Variants in UGT1A4 observed in about 807,000 individuals in gnomAD.
UGT1A4 encodes UDP-glucuronosyltransferase 1A4.
In UGT1A4, 32 loss-of-function variants were observed where a neutral mutation model predicts 41.1. The observed-to-expected ratio is 0.78, with a 90% CI of 0.59 to 1.05. The LOEUF (loss-of-function observed/expected upper bound fraction) is 1.05. Ranked by LOEUF, UGT1A4 falls within the 50% of genes least tolerant of loss-of-function variation. The probability of loss-of-function intolerance (pLI) is 0.00; values close to 1 mark genes in which losing one functional copy is unlikely to be tolerated. For synonymous variants in UGT1A4, 283 were observed against 265.1 expected, an observed-to-expected ratio of 1.07 and a Z score of -0.66; for missense variants, 748 against 677.4, an observed-to-expected ratio of 1.10 and a Z score of -1.16.
intron 1 of UGT1A4, among the ~76,000 whole-genome samples, chr2:233,745,353 A>T (rs1446464476): frequency 1.3e-5 from 2 of 151,782 alleles, no homozygotes; most frequent in African/African-American, 2.4e-5. Flanking sequence ...TTTTGGGGGA[A>T]TTTTTTTGAG....
chr2:233,744,112 C>T (rs1010440918), intron 1 of UGT1A4: 4 of 367,842 alleles, frequency 1.1e-5, no homozygotes, highest in African/African-American at 6.4e-5. Context: ...TGGCCCTGCT[C>T]TCTGTGAGGC....
intron 1 of UGT1A4, chr2:233,760,773 G>C (rs780985622): frequency 2.5e-6 from 4 of 1,613,826 alleles, no homozygotes; most frequent in Non-Finnish European, 3.4e-6. Flanking sequence ...TCGTGGCCCA[G>C]TACCTGTCTC....
chr2:233,728,660 C>T (rs557708388), intron 1 of UGT1A4, among the ~76,000 whole-genome samples: 3 of 152,280 alleles, frequency 2.0e-5, no homozygotes, highest in South Asian at 2.1e-4. Context: ...GGATGCGCTG[C>T]GTTACTCATA....
chr2:233,753,830 C>T (rs560874978), intron 1 of UGT1A4, among the ~76,000 whole-genome samples: 4 of 152,332 alleles, frequency 2.6e-5, no homozygotes, highest in Non-Finnish European at 4.4e-5. Flanking sequence ...GGGCTGAAGA[C>T]AGTCCTAGTA....
At chr2:233,746,870 G>A (rs544593514) in intron 1 of UGT1A4, among the ~76,000 whole-genome samples, 2 of 151,670 alleles carry the variant, frequency 1.3e-5, no homozygotes, top group African/African-American at 4.9e-5. Flanking sequence ...CCTGATAAAC[G>A]TGGTTAACAG....
chr2:233,747,873 T>C, intron 1 of UGT1A4: 1 of 1,613,590 alleles, frequency 6.2e-7, no homozygotes, highest in Non-Finnish European at 8.5e-7. Context: ...TCTGGCCCTG[T>C]CCTACCTTTG....
In UGT1A4 at chr2:233,750,906, G is replaced by C. The variant is rs147161885; in HGVS notation, c.868-16128G>C. Among the ~76,000 whole-genome samples, 893 of 152,034 alleles carry C rather than the reference G, an allele frequency of 5.9e-3. 37 individuals carry two copies. Among genetic ancestry groups the C allele is most frequent in the African/African-American group, 0.021 (857 of 41,250 alleles). On this transcript the variant is annotated intron_variant, in intron 1 of 4. Coordinates refer to ENST00000373409, the MANE Select transcript of UGT1A4 (RefSeq NM_007120.3). ...GCCCTTATAGAGAACCTCTGCTAGA[G>C]AAGGGTGGTAAAGAAATGTGAGGTT...
chr2:233,739,300 G>T (rs1406642019), intron 1 of UGT1A4, among the ~76,000 whole-genome samples: 2 of 152,210 alleles, frequency 1.3e-5, no homozygotes, highest in African/African-American at 2.4e-5. Flanking sequence ...CTGGGGCACT[G>T]CCTAGTGGAG....
At chr2:233,749,107 C>T (rs2125896789) in intron 1 of UGT1A4, among the ~76,000 whole-genome samples, 1 of 151,856 alleles carries the variant, frequency 6.6e-6, no homozygotes, top group Non-Finnish European at 1.5e-5. Flanking sequence ...GAGAATTCAG[C>T]CTTTTTATGT....
At chr2:233,739,452 G>C (rs115541121) in intron 1 of UGT1A4, among the ~76,000 whole-genome samples, 1,700 of 152,308 alleles carry the variant, frequency 0.011, 37 homozygotes, top group African/African-American at 0.039. Flanking sequence ...AAGCCACAGG[G>C]TTGGAGCTGC....
At chr2:233,723,514 A>ACC (rs1243846588) in intron 1 of UGT1A4, among the ~76,000 whole-genome samples, 21 of 107,656 alleles carry the variant, frequency 2.0e-4, no homozygotes, top group African/African-American at 9.0e-4. Flanking sequence ...CTGGTCAACA[A>ACC]TCTTTTTTTT....
chr2:233,744,767 T>G (rs1692915618), intron 1 of UGT1A4, among the ~76,000 whole-genome samples: 1 of 151,916 alleles, frequency 6.6e-6, no homozygotes, highest in Non-Finnish European at 1.5e-5. Flanking sequence ...GTTTTAACTT[T>G]GCAAAATTCT....
chr2:233,741,622 A>G (rs1467622913), intron 1 of UGT1A4: 1 of 151,894 alleles, frequency 6.6e-6, no homozygotes, highest in Non-Finnish European at 1.5e-5. Context: ...GTCAGACCCC[A>G]TGAGCCCCTG....
chr2:233,749,673 G>A (rs1300627499), intron 1 of UGT1A4, among the ~76,000 whole-genome samples: 14 of 151,746 alleles, frequency 9.2e-5, no homozygotes, highest in African/African-American at 1.7e-4. Context: ...TAATCCCCAC[G>A]TGTCAAGGAC....
Position 233,727,783 on chromosome 2 carries a change from T to A in UGT1A4, c.867+8096T>A, listed in dbSNP as rs377176798. Among the ~76,000 whole-genome samples, 8 of 152,336 alleles carry A rather than the reference T, an allele frequency of 5.3e-5. No individual in the cohort carries two copies. The East Asian group carries it at 7.7e-4, about 15-fold the overall frequency. Reference sequence around the variant, plus strand: ...AGCTGGGTGTCCCCCAGTAGACGCTTCCATTCACTGCCTGTCCCATGGGTT... The same window carrying A: ...AGCTGGGTGTCCCCCAGTAGACGCTACCATTCACTGCCTGTCCCATGGGTT... On this transcript the variant is annotated intron_variant, in intron 1 of 4. Coordinates refer to ENST00000373409, the MANE Select transcript of UGT1A4 (RefSeq NM_007120.3).
intron 1 of UGT1A4, chr2:233,761,044 G>A: frequency 1.9e-6 from 3 of 1,614,190 alleles, no homozygotes; most frequent in Non-Finnish European, 2.5e-6. Context: ...CTCTGCATCT[G>A]TCTGGCTGTT....
chr2:233,765,917 T>C (rs1002014731), intron 1 of UGT1A4, among the ~76,000 whole-genome samples: 3 of 151,992 alleles, frequency 2.0e-5, no homozygotes, highest in African/African-American at 7.3e-5. Context: ...TAGGGGAGCA[T>C]ACAGACGGGC....
chr2:233,762,466 T>C (rs377017824), intron 1 of UGT1A4, among the ~76,000 whole-genome samples: 5 of 152,354 alleles, frequency 3.3e-5, no homozygotes, highest in African/African-American at 9.6e-5. Context: ...GATAATGTCA[T>C]GGATATCACT....
At chr2:233,738,804 C>A (rs532221279) in intron 1 of UGT1A4, 1 of 152,292 alleles carries the variant, frequency 6.6e-6, no homozygotes, top group African/African-American at 2.4e-5. Flanking sequence ...GAAATACTAG[C>A]TAAAGAAATT....
Sources: gnomAD v4.1 joint callset for allele counts (sites outside exome capture counted in the v4.1 genomes callset) on GRCh38, gnomAD v4.1.1 for gene constraint, MANE v1.5 for transcripts, NCBI Gene and HGNC (gene_info 2026-07-23, HGNC 2026-07-21) for gene names.